Variants in TJP2 observed in about 807,000 individuals in gnomAD.
The protein encoded by TJP2 is tight junction protein 2.
Under a neutral mutation model 133.1 loss-of-function variants are expected in TJP2, and 91 were observed. The observed-to-expected ratio is 0.68, with a 90% CI of 0.58 to 0.81. TJP2 has a LOEUF of 0.81. Among genes scored for constraint, TJP2 ranks in the 40% least tolerant of loss-of-function variants. TJP2 has a pLI of 0.00. For synonymous variants in TJP2, 592 were observed against 583.4 expected (o/e 1.01, Z -0.21); for missense variants, 1,541 against 1,565.6 (o/e 0.98, Z 0.26).
chr9:69,154,592 G>A (rs1823644376), intron 2 of TJP2, among the ~76,000 whole-genome samples: 1 of 150,666 alleles, frequency 6.6e-6, no homozygotes, highest in Non-Finnish European at 1.5e-5. Flanking sequence ...GAGTTCAAGA[G>A]CACCTGGGCG....
intron 1 of TJP2, chr9:69,151,637 A>G (rs1823484050): frequency 8.1e-7 from 1 of 1,232,006 alleles, no homozygotes; most frequent in South Asian, 4.1e-5. Context: ...TTTTAACAAC[A>G]CTGTCTTTTC....
At position 69,254,857 on chromosome 9, in the gene TJP2, T is replaced by C. The variant is rs1831589826; in HGVS notation, c.*483T>C. ...CTTGGATGAGAAGTGTCTTAAATTT[T>C]CTTCCTTTGAAGCTTTAGGCAGAGC... On this transcript the variant is annotated 3_prime_UTR_variant, in exon 23 of 23. Transcript: ENST00000377245. The C allele has an allele frequency of 2.3e-6, 1 of 432,464 alleles. No homozygotes were observed. The allele number at this position is 432,464 out of a possible 1,614,324, so 26.8% of individuals were successfully genotyped here.
At chr9:69,130,951 G>A (rs1286976834) in intron 1 of TJP2, among the ~76,000 whole-genome samples, 1 of 151,762 alleles carries the variant, frequency 6.6e-6, no homozygotes, top group African/African-American at 2.4e-5. Context: ...AGCTGTGCAG[G>A]CCTGGCCTTT....
At position 69,254,391 on chromosome 9, in the gene TJP2, T is replaced by A; in HGVS notation, c.*17T>A. On this transcript the variant is annotated 3_prime_UTR_variant, in exon 23 of 23. Coordinates refer to ENST00000377245, the MANE Select transcript of TJP2 (RefSeq NM_004817.4). Reference sequence around the variant, plus strand: ...GAATTATAGATGTCTGAGCACGGACTCTCCCAGGCCTGCCTGCATGGCATC... The same window carrying A: ...GAATTATAGATGTCTGAGCACGGACACTCCCAGGCCTGCCTGCATGGCATC... 6.2e-7 allele frequency: 1 copy of A among 1,613,740 alleles called. No homozygotes were observed. The highest frequency in any genetic ancestry group is 8.5e-7 in the Non-Finnish European group (1 of 1,180,040).
intron 1 of TJP2, among the ~76,000 whole-genome samples, chr9:69,145,214 C>T (rs1823161965): frequency 6.6e-6 from 1 of 152,114 alleles, no homozygotes; most frequent in African/African-American, 2.4e-5. Flanking sequence ...ACTAGAATTC[C>T]TTCCTCACTT....
At chr9:69,230,325 C>T in intron 11 of TJP2, 93 bp downstream of exon 11, 2 of 1,537,112 alleles carry the variant, frequency 1.3e-6, no homozygotes, top group South Asian at 1.1e-5. Flanking sequence ...AATGGTTCAG[C>T]TGGTGAAATA....
intron 2 of TJP2, among the ~76,000 whole-genome samples, chr9:69,152,779 A>G (rs1469278391): frequency 8.1e-6 from 1 of 124,186 alleles, no homozygotes. Flanking sequence ...ACAGGGCTGG[A>G]TGTGGGTTTT....
At chr9:69,185,922 TGCGCCTGGCTAA>T (rs1564414613) in intron 1 of TJP2, among the ~76,000 whole-genome samples, 1 of 147,634 alleles carries the variant, frequency 6.8e-6, no homozygotes. Flanking sequence ...GAGTCTCGGT[TGCGCCTGGCTAA>T]TTTTTTGTAT....
chr9:69,239,671 C>T (rs1830449537), intron 16 of TJP2, among the ~76,000 whole-genome samples: 1 of 152,010 alleles, frequency 6.6e-6, no homozygotes, highest in African/African-American at 2.4e-5. Flanking sequence ...ATTAGCTGGC[C>T]ATGGTGGTGG....
chr9:69,197,316 C>T (rs1356119469), intron 1 of TJP2, among the ~76,000 whole-genome samples: 2 of 152,106 alleles, frequency 1.3e-5, no homozygotes, highest in Non-Finnish European at 2.9e-5. Flanking sequence ...CTTTGGTCCA[C>T]CTTATTGTTG....
intron 9 of TJP2, among the ~76,000 whole-genome samples, chr9:69,228,777 A>G (rs770123376): frequency 3.9e-5 from 6 of 152,280 alleles, no homozygotes; most frequent in Admixed American, 1.3e-4. Context: ...ACACTTTGTC[A>G]TATTTGATGA....
At chr9:69,132,199 A>G (rs1348741740) in intron 1 of TJP2, among the ~76,000 whole-genome samples, 1 of 152,182 alleles carries the variant, frequency 6.6e-6, no homozygotes, top group Non-Finnish European at 1.5e-5. Context: ...CAGCTACCCA[A>G]ATTTCAGACT....
At chr9:69,129,624 C>T (rs1025822765) in intron 1 of TJP2, among the ~76,000 whole-genome samples, 1 of 152,060 alleles carries the variant, frequency 6.6e-6, no homozygotes, top group Admixed American at 6.6e-5. Flanking sequence ...TTATTTTATT[C>T]TCAAGTACTG....
intron 1 of TJP2, among the ~76,000 whole-genome samples, chr9:69,188,247 A>G (rs146112963): frequency 8.5e-5 from 13 of 152,226 alleles, no homozygotes; most frequent in African/African-American, 3.1e-4. Context: ...GGGGAAGGAG[A>G]TCACAGGGCT....
chr9:69,229,374 C>T, intron 10 of TJP2, 124 bp downstream of exon 10: 1 of 905,282 alleles, frequency 1.1e-6, no homozygotes, highest in Non-Finnish European at 1.9e-6. Flanking sequence ...CCACCTGTAA[C>T]CAATCCCCAT....
chr9:69,236,956 C>G lies in TJP2; in HGVS notation c.1999C>G (p.Gln667Glu). ...CCCGTGGTTTCTTCTCAGAGCTGAA[C>G]AAATGGCCAGTGTTCAAAATGCCCA... ...GLIPNKSRAE[Q>E]MASVQNAQRD... is the part of the protein sequence containing the mutation. The change falls in exon 14 of 23, where the codon CAA becomes GAA. Residue 667 changes from glutamine (Q) to glutamate (E), a missense_variant. Physicochemically the swap from Gln to Glu is conservative, Grantham distance 29. Transcript: ENST00000377245. The G allele has an allele frequency of 6.2e-7, 1 of 1,614,140 alleles. No homozygotes were observed. The highest frequency in any genetic ancestry group is 8.5e-7 in the Non-Finnish European group (1 of 1,180,018).
intron 1 of TJP2, among the ~76,000 whole-genome samples, chr9:69,128,756 G>C (rs138984885): frequency 6.6e-6 from 1 of 152,058 alleles, no homozygotes; most frequent in Non-Finnish European, 1.5e-5. Flanking sequence ...TCAATCTCCT[G>C]ACCTCGTGAT....
At position 69,254,883 on chromosome 9, in the gene TJP2, C is replaced by T; in HGVS notation, c.*509C>T. 1 of 409,634 alleles carries T rather than the reference C, an allele frequency of 2.4e-6. No individual in the cohort carries two copies. 25.4% of individuals were successfully genotyped at this position (409,634 alleles called of 1,614,324 possible). A position where few individuals can be genotyped will look rare whatever the true frequency, so the allele number is the denominator to read the frequency against. ...CTTCCTTTGAAGCTTTAGGCAGAGC[C>T]ATAATGGACTAAAACATTTTGACTA... is the stretch of plus-strand genomic sequence containing the variant. On this transcript the variant is annotated 3_prime_UTR_variant, in exon 23 of 23. Transcript: ENST00000377245.
intron 1 of TJP2, among the ~76,000 whole-genome samples, chr9:69,194,926 C>G (rs1032954796): frequency 1.3e-5 from 2 of 152,104 alleles, no homozygotes; most frequent in Non-Finnish European, 1.5e-5. Context: ...CTCAGGACTC[C>G]GTATGTAGGC....
Sources: gnomAD v4.1 joint callset for allele counts (sites outside exome capture counted in the v4.1 genomes callset) on GRCh38, gnomAD v4.1.1 for gene constraint, MANE v1.5 for transcripts, NCBI Gene and HGNC (gene_info 2026-07-23, HGNC 2026-07-21) for gene names.